The following PHF21B variants were observed in gnomAD, a reference collection of about 807,000 sequenced individuals.
PHF21B encodes the protein PHD finger protein 21B, also known as PHD finger protein 4.
In PHF21B, 22 loss-of-function variants were observed where a neutral mutation model predicts 62.2. The observed-to-expected ratio is 0.35, with a 90% CI of 0.25 to 0.51. PHF21B has a LOEUF of 0.51. PHF21B is among the 20% of genes least tolerant of loss of function. The pLI, the probability that PHF21B is intolerant of heterozygous loss-of-function variation, is 0.97. For missense variants in PHF21B, 701 were observed against 707.9 expected (o/e 0.99, Z 0.11); for synonymous variants, 341 against 314.7 (o/e 1.08, Z -0.88).
At chr22:44,889,925 G>C (rs5765074) in intron 8 of PHF21B, 143 bp from the exon 9 acceptor site, 242,579 of 791,512 alleles carry the variant, frequency 0.31, 40,397 homozygotes, top group East Asian at 0.61. Context: ...ATGATACCTG[G>C]GCTCTCACCC....
rs376557661 is a variant in PHF21B, at chr22:44,891,297, G to A, written c.1015+9C>T. The stretch of plus-strand genomic sequence containing the variant: ...CAGCTCTGGCAGAAGGCCTGAAGCC[G>A]GTGCTTACCTCTCGCTGTGAGGAAC... On this transcript the variant is annotated intron_variant, in intron 8 of 12. Transcript: ENST00000313237. 178 of 1,613,708 alleles carry A rather than the reference G, an allele frequency of 1.1e-4. No homozygotes were observed. The African/African-American group carries it at 1.9e-3, about 17-fold the overall frequency.
At position 44,916,359 on chromosome 22, in the gene PHF21B, G is replaced by A. The variant is rs2071432804; in HGVS notation, c.485C>T (p.Ala162Val). 6.3e-7 allele frequency: 1 copy of A among 1,596,016 alleles called. No homozygotes were observed. Among genetic ancestry groups the A allele is most frequent in the Non-Finnish European group, 8.5e-7 (1 of 1,176,356 alleles). Residue 162 changes from alanine (A) to valine (V), a missense_variant, in exon 4 of 13, where the codon GCC (alanine) becomes GTC (valine). Coordinates refer to ENST00000313237, the MANE Select transcript of PHF21B (RefSeq NM_138415.5). ...AGACACGGCGGTGCTGGGGGCCATG[G>A]CGGCGGCATTGCTGGGGGAGGTGGA... ...IISTSPSNAA[A>V]MAPSTAVSVV...
At chr22:45,000,356 G>A (rs550605960) in intron 2 of PHF21B, among the ~76,000 whole-genome samples, 34 of 152,194 alleles carry the variant, frequency 2.2e-4, no homozygotes, top group Non-Finnish European at 3.7e-4. Context: ...GCTGAAGAAG[G>A]AGTGTGGCGC....
chr22:44,935,149 G>A (rs1246666102), intron 2 of PHF21B, among the ~76,000 whole-genome samples: 1 of 152,112 alleles, frequency 6.6e-6, no homozygotes, highest in Non-Finnish European at 1.5e-5. Context: ...TCTGACCTGC[G>A]TCTAACTGGA....
intron 9 of PHF21B, among the ~76,000 whole-genome samples, chr22:44,889,267 G>T (rs2070917158): frequency 6.7e-6 from 1 of 148,752 alleles, no homozygotes; most frequent in African/African-American, 2.4e-5. Flanking sequence ...TGTGGTGTGT[G>T]CACGGGTAGG....
intron 2 of PHF21B, among the ~76,000 whole-genome samples, chr22:44,996,405 AAAC>A (rs1000139255): frequency 8.5e-5 from 13 of 152,098 alleles, no homozygotes; most frequent in Non-Finnish European, 1.2e-4. Flanking sequence ...TGGAGGCCTT[AAAC>A]AACCAGTTCT....
intron 6 of PHF21B, among the ~76,000 whole-genome samples, chr22:44,894,842 C>T (rs539053881): frequency 4.6e-5 from 7 of 152,168 alleles, no homozygotes; most frequent in Non-Finnish European, 1.0e-4. Flanking sequence ...GCTGTCCCCG[C>T]GCGCTGGGCT....
At chr22:44,949,773 C>T (rs986801736) in intron 2 of PHF21B, among the ~76,000 whole-genome samples, 2 of 152,182 alleles carry the variant, frequency 1.3e-5, no homozygotes, top group South Asian at 2.1e-4. Context: ...GAACAGACCT[C>T]GTGAGTTAAA....
rs898950350 is a variant in PHF21B at position 44,893,447 on chromosome 22, G to A, written c.960+10C>T. ...CCCTCCTGGTGGCATGGGGCTGGCG[G>A]GTTCCCCACCTCGGTCTCCAGGAGG... is the stretch of plus-strand genomic sequence containing the variant. On this transcript the variant is annotated intron_variant, in intron 7 of 12. Coordinates refer to ENST00000313237, the MANE Select transcript of PHF21B (RefSeq NM_138415.5). 6.3e-7 allele frequency: 1 copy of A among 1,590,118 alleles called. No individual in the cohort carries two copies. The highest frequency in any genetic ancestry group is 8.6e-7 in the Non-Finnish European group (1 of 1,168,878).
intron 5 of PHF21B, among the ~76,000 whole-genome samples, chr22:44,900,942 T>C (rs1372978926): frequency 6.6e-6 from 1 of 152,244 alleles, no homozygotes; most frequent in South Asian, 2.1e-4. Context: ...ATGCAGATTA[T>C]AAAGTCTTTT....
chr22:44,909,510 C>A (rs1460904697), intron 5 of PHF21B, among the ~76,000 whole-genome samples: 2 of 152,266 alleles, frequency 1.3e-5, no homozygotes, highest in Non-Finnish European at 2.9e-5. Context: ...AGCTCCTTGA[C>A]TTCACTGGCT....
At chr22:44,908,270 G>A (rs1346768034) in intron 5 of PHF21B, among the ~76,000 whole-genome samples, 1 of 152,116 alleles carries the variant, frequency 6.6e-6, no homozygotes, top group Non-Finnish European at 1.5e-5. Flanking sequence ...GTGCCTCTGG[G>A]CCTCAGCGTC....
chr22:44,926,307 CG>C (rs1370767868), intron 2 of PHF21B, among the ~76,000 whole-genome samples: 1 of 152,238 alleles, frequency 6.6e-6, no homozygotes, highest in Admixed American at 6.5e-5. Context: ...GCAGGTTCCC[CG>C]TAAGTGTGTG....
chr22:44,925,579 T>C (rs1234789955), intron 2 of PHF21B, among the ~76,000 whole-genome samples: 1 of 152,148 alleles, frequency 6.6e-6, no homozygotes, highest in Non-Finnish European at 1.5e-5. Flanking sequence ...ACTTTGGACA[T>C]TTGTTAAAAC....
intron 5 of PHF21B, among the ~76,000 whole-genome samples, chr22:44,906,320 C>A (rs1342340374): frequency 6.6e-6 from 1 of 152,178 alleles, no homozygotes; most frequent in East Asian, 1.9e-4. Context: ...TTGGAAAGAT[C>A]ATTTGCAGGG....
intron 2 of PHF21B, among the ~76,000 whole-genome samples, chr22:44,924,922 A>G (rs1026096647): frequency 1.3e-5 from 2 of 152,252 alleles, no homozygotes; most frequent in African/African-American, 4.8e-5. Context: ...ACCAACAAGT[A>G]CACGGATGAG....
At chr22:45,005,651 C>T (rs1013846175) in intron 2 of PHF21B, among the ~76,000 whole-genome samples, 14 of 152,136 alleles carry the variant, frequency 9.2e-5, no homozygotes, top group Admixed American at 3.3e-4. Flanking sequence ...CCGCTGCTGG[C>T]GTACTGCTAA....
At chr22:44,907,956 G>T (rs1323388390) in intron 5 of PHF21B, among the ~76,000 whole-genome samples, 1 of 152,196 alleles carries the variant, frequency 6.6e-6, no homozygotes, top group African/African-American at 2.4e-5. Context: ...GGGGGGGTGA[G>T]GCCAGCCTTG....
At chr22:44,964,652 G>A (rs749653135) in intron 2 of PHF21B, among the ~76,000 whole-genome samples, 3 of 152,342 alleles carry the variant, frequency 2.0e-5, no homozygotes, top group Admixed American at 6.5e-5. Flanking sequence ...TTTTGCCTGC[G>A]GCACAAGTTC....
Sources: gnomAD v4.1 joint callset for allele counts (sites outside exome capture counted in the v4.1 genomes callset) on GRCh38, gnomAD v4.1.1 for gene constraint, MANE v1.5 for transcripts, NCBI Gene and HGNC (gene_info 2026-07-23, HGNC 2026-07-21) for gene names.